NEDD4L: variants seen among roughly 807,000 people sequenced by gnomAD.
NEDD4L encodes E3 ubiquitin-protein ligase NEDD4-like.
In NEDD4L, 54 loss-of-function variants were observed where a neutral mutation model predicts 148.9. The ratio of observed to expected loss-of-function variants is 0.36; its 90% CI spans 0.29 to 0.45. The LOEUF is 0.45. Ranked by LOEUF, NEDD4L falls within the 20% of genes least tolerant of loss-of-function variation. The probability of loss-of-function intolerance (pLI) is 1.00; values close to 1 mark genes in which losing one functional copy is unlikely to be tolerated. For synonymous variants in NEDD4L, 433 were observed against 440.7 expected (o/e 0.98, Z 0.22); for missense variants, 856 against 1,233.8 (o/e 0.69, Z 4.59).
chr18:58,232,432 G>A (rs984959626), intron 2 of NEDD4L, among the ~76,000 whole-genome samples: 1 of 152,194 alleles, frequency 6.6e-6, no homozygotes, highest in African/African-American at 2.4e-5. Flanking sequence ...TGTAGTAATG[G>A]ATTCCACAGT....
chr18:58,059,925 A>G (rs1015877237), intron 1 of NEDD4L, among the ~76,000 whole-genome samples: 2 of 152,170 alleles, frequency 1.3e-5, no homozygotes, highest in Admixed American at 1.3e-4. Flanking sequence ...GAAAAATAAC[A>G]TAAATCCTCA....
At chr18:58,338,894 C>T (rs534916463) in intron 13 of NEDD4L, among the ~76,000 whole-genome samples, 34 of 152,008 alleles carry the variant, frequency 2.2e-4, no homozygotes, top group African/African-American at 8.0e-4. Flanking sequence ...CCAGCCTGGG[C>T]GACAGAGCAA....
rs1169798701 is a variant in NEDD4L at position 58,379,934 on chromosome 18, C to T, written c.2353-3312C>T. Among the ~76,000 whole-genome samples the T allele has an allele frequency of 4.6e-5, 7 of 151,940 alleles. No individual in the cohort carries two copies. The South Asian group carries it at 1.2e-3, about 27-fold the overall frequency. On this transcript the variant is annotated intron_variant, in intron 24 of 30. Transcript: ENST00000400345. Reference sequence around the variant, plus strand: ...CCCTCATCCTGTGCCCATCCTTGGGCCCTCTCCTCACTCCCCCACAGAGAA... The same window carrying T: ...CCCTCATCCTGTGCCCATCCTTGGGTCCTCTCCTCACTCCCCCACAGAGAA...
At chr18:58,239,527 A>T (rs1288875834) in intron 2 of NEDD4L, among the ~76,000 whole-genome samples, 1 of 152,138 alleles carries the variant, frequency 6.6e-6, no homozygotes, top group Non-Finnish European at 1.5e-5. Flanking sequence ...GCCCCCTTAA[A>T]ATATGTGGAG....
chr18:58,175,758 C>T (rs759612607), intron 2 of NEDD4L, among the ~76,000 whole-genome samples: 1 of 152,270 alleles, frequency 6.6e-6, no homozygotes, highest in African/African-American at 2.4e-5. Context: ...TAGTAACTCC[C>T]TCCCGCAAAT....
Position 58,376,645 on chromosome 18 carries a change from C to G in NEDD4L, c.2352+3376C>G, listed in dbSNP as rs575011017. Among the ~76,000 whole-genome samples, 3 of 152,316 alleles carry G rather than the reference C, an allele frequency of 2.0e-5. No individual in the cohort carries two copies. The East Asian group carries it at 5.8e-4, about 29-fold the overall frequency. On this transcript the variant is annotated intron_variant, in intron 24 of 30. Transcript: ENST00000400345. Reference sequence around the variant, plus strand: ...GCTCCCATCTTCCCCACTAGACCCCCGACCCGTCTCTACATCCAATATGGC... The same window carrying G: ...GCTCCCATCTTCCCCACTAGACCCCGGACCCGTCTCTACATCCAATATGGC...
rs5825266 is a variant in NEDD4L, at chr18:58,144,115, T to TAA, written c.49-21660_49-21659dup. On this transcript the variant is annotated intron_variant, in intron 1 of 30. Coordinates refer to ENST00000400345, the MANE Select transcript of NEDD4L (RefSeq NM_001144967.3). ...TCTGGTTATATATTGAGAGCAGCAT[T>TAA]AAAAAAAAAAAAAAGTCCAATTTAG... Among the ~76,000 whole-genome samples the TAA allele has an allele frequency of 4.2e-3, 600 of 142,880 alleles. 6 individuals are homozygous for TAA. The highest frequency in any genetic ancestry group is 0.011 in the African/African-American group (424 of 38,582). 93.7% of individuals were successfully genotyped at this position (142,880 alleles called of 152,430 possible).
At chr18:58,353,511 C>T (rs553048918) in intron 18 of NEDD4L, among the ~76,000 whole-genome samples, 8 of 152,180 alleles carry the variant, frequency 5.3e-5, no homozygotes, top group South Asian at 4.2e-4. Flanking sequence ...GTTCATGCTA[C>T]GTTTCTACCA....
chr18:58,204,238 G>A (rs2041746349), intron 2 of NEDD4L, among the ~76,000 whole-genome samples: 1 of 152,032 alleles, frequency 6.6e-6, no homozygotes, highest in Admixed American at 6.6e-5. Flanking sequence ...TGAAGCAGGA[G>A]AATTGCTTGA....
intron 2 of NEDD4L, among the ~76,000 whole-genome samples, chr18:58,223,247 G>A (rs7227501): frequency 0.12 from 17,810 of 152,038 alleles, 2,838 homozygotes; most frequent in African/African-American, 0.36. Flanking sequence ...GCCTTTTTAA[G>A]TTAAATGAAG....
At position 58,185,881 on chromosome 18, in the gene NEDD4L, AAAAATT is replaced by A. The variant is rs201867985; in HGVS notation, c.122+20037_122+20042del. ...AGAGCAAAACTCTGTCTCAAAAAAA[AAAAATT>A]AAAATTAAAATTAAAAAGTAAAATA... On this transcript the variant is annotated intron_variant, in intron 2 of 30. Transcript: ENST00000400345. Among the ~76,000 whole-genome samples, 1,037 of 152,214 alleles carry A rather than the reference AAAAATT, an allele frequency of 6.8e-3. 5 individuals carry two copies. Among genetic ancestry groups the A allele is most frequent in the African/African-American group, 0.022 (913 of 41,482 alleles).
intron 24 of NEDD4L, among the ~76,000 whole-genome samples, chr18:58,379,242 T>C (rs1405501322): frequency 1.3e-5 from 2 of 152,186 alleles, no homozygotes; most frequent in Non-Finnish European, 2.9e-5. Flanking sequence ...TTCTCCTTGG[T>C]CACTTTGCTG....
intron 5 of NEDD4L, among the ~76,000 whole-genome samples, chr18:58,291,617 G>C (rs1194829161): frequency 6.6e-6 from 1 of 152,100 alleles, no homozygotes; most frequent in Non-Finnish European, 1.5e-5. Context: ...TTGCCTGTAA[G>C]ACAATCTTTG....
chr18:58,045,985 C>T (rs1229631099), intron 1 of NEDD4L: 2 of 152,050 alleles, frequency 1.3e-5, no homozygotes, highest in Non-Finnish European at 2.9e-5. Flanking sequence ...GCTCTCCTAC[C>T]CTGGCATGGT....
At chr18:58,077,160 C>CTTTTT (rs60248050) in intron 1 of NEDD4L, among the ~76,000 whole-genome samples, 4 of 48,922 alleles carry the variant, frequency 8.2e-5, no homozygotes, top group African/African-American at 1.6e-4. Flanking sequence ...CTCATAACGG[C>CTTTTT]TTTTTTTTTT....
intron 1 of NEDD4L, among the ~76,000 whole-genome samples, chr18:58,049,400 C>T (rs547857869): frequency 6.6e-6 from 1 of 152,198 alleles, no homozygotes; most frequent in Admixed American, 6.5e-5. Context: ...GCCATCTTTG[C>T]AGCTGTGCAA....
intron 1 of NEDD4L, among the ~76,000 whole-genome samples, chr18:58,088,057 C>T (rs2083855991): frequency 6.6e-6 from 1 of 152,228 alleles, no homozygotes; most frequent in Non-Finnish European, 1.5e-5. Context: ...ACTCACATAC[C>T]TGGCAAGTTG....
intron 1 of NEDD4L, among the ~76,000 whole-genome samples, chr18:58,065,267 C>T (rs1280721111): frequency 1.3e-5 from 2 of 152,136 alleles, no homozygotes; most frequent in Non-Finnish European, 2.9e-5. Flanking sequence ...TCATTGTCAC[C>T]ATCAGATGAC....
chr18:58,312,227 G>A (rs115104689), intron 5 of NEDD4L, among the ~76,000 whole-genome samples: 38 of 152,254 alleles, frequency 2.5e-4, no homozygotes, highest in African/African-American at 8.7e-4. Flanking sequence ...TTACTGAAAG[G>A]CACATTTTCA....
Sources: allele counts gnomAD v4.1 joint callset (sites outside exome capture counted in the v4.1 genomes callset), GRCh38; gene constraint gnomAD v4.1.1; transcripts MANE v1.5; gene names NCBI Gene and HGNC (gene_info 2026-07-23, HGNC 2026-07-21).